OCIAD1: variants seen among roughly 807,000 people sequenced by gnomAD.
OCIAD1 encodes OCIA domain containing 1, also known as OCIA domain-containing protein 1.
Under a neutral mutation model 38.9 loss-of-function variants are expected in OCIAD1, and 29 were observed. The observed-to-expected ratio is 0.74, with a 90% CI of 0.55 to 1.02. OCIAD1 has a LOEUF of 1.02. Among genes scored for constraint, OCIAD1 ranks in the 50% least tolerant of loss-of-function variants. The pLI is 0.00. For synonymous variants in OCIAD1, 110 were observed against 92.0 expected, an observed-to-expected ratio of 1.20 and a Z score of -1.12; for missense variants, 288 against 289.6, an observed-to-expected ratio of 0.99 and a Z score of 0.04.
intron 4 of OCIAD1, among the ~76,000 whole-genome samples, chr4:48,844,122 A>C (rs976729960): frequency 1.3e-5 from 2 of 152,174 alleles, no homozygotes; most frequent in Non-Finnish European, 2.9e-5. Context: ...AATGAGAAGA[A>C]AGAACATACC....
intron 1 of OCIAD1, among the ~76,000 whole-genome samples, chr4:48,810,241 G>A (rs1381788283): frequency 1.5e-4 from 23 of 151,764 alleles, no homozygotes; most frequent in East Asian, 5.8e-4. Flanking sequence ...AGGCCGAGGC[G>A]GGTGGATCAC....
chr4:48,858,987 G>A (rs1487296766), intron 8 of OCIAD1, among the ~76,000 whole-genome samples: 5 of 152,158 alleles, frequency 3.3e-5, no homozygotes, highest in Non-Finnish European at 4.4e-5. Context: ...TTCAGAGTAT[G>A]TGTCATTGTT....
At chr4:48,827,509 C>A (rs1330205403), upstream of OCIAD1, among the ~76,000 whole-genome samples, 1 of 152,184 alleles carries the variant, frequency 6.6e-6, no homozygotes, top group Non-Finnish European at 1.5e-5. Flanking sequence ...ATCGACTTCC[C>A]GCAAGTCTTT....
intron 5 of OCIAD1, 88 bp downstream of exon 5, chr4:48,848,534 T>C: frequency 1.6e-6 from 1 of 608,452 alleles, no homozygotes; most frequent in Non-Finnish European, 2.8e-6. Context: ...GTCTTACTCA[T>C]ATTAGTTATG....
chr4:48,807,793 A>G (rs79056679), intron 1 of OCIAD1, among the ~76,000 whole-genome samples: 2,751 of 152,194 alleles, frequency 0.018, 88 homozygotes, highest in African/African-American at 0.062. Context: ...AAACTTCCCA[A>G]GGTGATTTGA....
intron 4 of OCIAD1, among the ~76,000 whole-genome samples, chr4:48,846,080 T>C (rs1778955660): frequency 6.6e-6 from 1 of 152,232 alleles, no homozygotes; most frequent in South Asian, 2.1e-4. Flanking sequence ...AGACTGTAAA[T>C]TCCATGAGAG....
intron 1 of OCIAD1, among the ~76,000 whole-genome samples, chr4:48,816,549 A>AT (rs1241866804): frequency 6.6e-6 from 1 of 150,472 alleles, no homozygotes; most frequent in Non-Finnish European, 1.5e-5. Flanking sequence ...AAAAAAAAAA[A>AT]GGAAGATAAT....
chr4:48,860,904 A>G lies in OCIAD1; in HGVS notation c.*142A>G. On this transcript the variant is annotated 3_prime_UTR_variant, in exon 9 of 9. Transcript: ENST00000264312. ...CCTGGGTTTTTGTGGTTTGACTTCT[A>G]TGGTGTTTTAAAAAAACACAGATTT... The G allele has an allele frequency of 2.9e-6, 2 of 685,814 alleles. No homozygotes were observed. Among genetic ancestry groups the G allele is most frequent in the Admixed American group, 2.7e-5 (1 of 37,554 alleles). 42.5% of individuals were successfully genotyped at this position (685,814 alleles called of 1,614,324 possible).
chr4:48,813,840 A>G (rs566605766), intron 1 of OCIAD1, among the ~76,000 whole-genome samples: 14 of 152,360 alleles, frequency 9.2e-5, no homozygotes, highest in Admixed American at 8.5e-4. Context: ...GAGCTCGTGA[A>G]TAACTATTTA....
chr4:48,842,482 C>T (rs1160431834), intron 3 of OCIAD1, among the ~76,000 whole-genome samples, 154 bp from the exon 4 acceptor site: 2 of 152,160 alleles, frequency 1.3e-5, no homozygotes, highest in African/African-American at 4.8e-5. Flanking sequence ...ACTATGTATA[C>T]AGTACAGCTT....
chr4:48,814,798 G>C (rs1777128908), intron 1 of OCIAD1, among the ~76,000 whole-genome samples: 1 of 152,094 alleles, frequency 6.6e-6, no homozygotes, highest in Non-Finnish European at 1.5e-5. Context: ...TGGATGCTGT[G>C]TTAGGTACTT....
intron 8 of OCIAD1, among the ~76,000 whole-genome samples, chr4:48,857,735 G>A (rs568097456): frequency 4.3e-4 from 66 of 152,106 alleles, no homozygotes; most frequent in Non-Finnish European, 7.9e-4. Context: ...GGATGGTCTC[G>A]ATCTTTTGAC....
intron 7 of OCIAD1, chr4:48,856,930 T>A (rs1780090244): frequency 5.4e-6 from 1 of 184,386 alleles, no homozygotes; most frequent in Non-Finnish European, 1.1e-5. Flanking sequence ...TGTACTGTTA[T>A]ATATTATGAT....
At chr4:48,852,878 T>TTTTTTTTTTTTTTG (rs1315271846) in intron 7 of OCIAD1, among the ~76,000 whole-genome samples, 28 of 147,202 alleles carry the variant, frequency 1.9e-4, no homozygotes, top group African/African-American at 6.6e-4. Flanking sequence ...TTTTTTTGTT[T>TTTTTTTTTTTTTTG]TTTGTTTTTT....
chr4:48,850,341 C>T (rs1779328249), intron 6 of OCIAD1, among the ~76,000 whole-genome samples: 1 of 152,156 alleles, frequency 6.6e-6, no homozygotes, highest in Non-Finnish European at 1.5e-5. Context: ...TCACTGCAGC[C>T]TCAAACTCCT....
intron 7 of OCIAD1, among the ~76,000 whole-genome samples, chr4:48,854,953 T>A (rs1386032433): frequency 6.6e-6 from 1 of 152,260 alleles, no homozygotes; most frequent in Non-Finnish European, 1.5e-5. Context: ...AGTGCCACTT[T>A]ACATTTTTTT....
At chr4:48,831,337 C>T in intron 1 of OCIAD1, 88 bp downstream of exon 1, 1 of 429,758 alleles carries the variant, frequency 2.3e-6, no homozygotes, top group South Asian at 1.8e-5. Context: ...TCGCACCTTC[C>T]GCCATTTTCC....
At chr4:48,820,111 C>A (rs1777180342) in intron 1 of OCIAD1, among the ~76,000 whole-genome samples, 1 of 152,164 alleles carries the variant, frequency 6.6e-6, no homozygotes, top group South Asian at 2.1e-4. Context: ...CTTCTCAGCA[C>A]CACATAGCAC....
At chr4:48,852,209 C>T (rs1257502358) in intron 7 of OCIAD1, 3 of 386,042 alleles carry the variant, frequency 7.8e-6, no homozygotes, top group Non-Finnish European at 1.4e-5. Context: ...GGTTCTTGTC[C>T]CTGAAAAACT....
Sources: gnomAD v4.1 joint callset for allele counts (sites outside exome capture counted in the v4.1 genomes callset) on GRCh38, gnomAD v4.1.1 for gene constraint, MANE v1.5 for transcripts, NCBI Gene and HGNC (gene_info 2026-07-23, HGNC 2026-07-21) for gene names.